The following NAPEPLD variants were observed in gnomAD, a reference collection of about 807,000 sequenced individuals.
NAPEPLD encodes the protein N-acyl phosphatidylethanolamine phospholipase D, also known as N-acyl-phosphatidylethanolamine-hydrolyzing phospholipase D.
Under a neutral mutation model 38.1 loss-of-function variants are expected in NAPEPLD, and 23 were observed. That is an observed-to-expected ratio of 0.60 (90% confidence interval 0.43 to 0.86). The LOEUF is 0.86. NAPEPLD is among the 40% of genes least tolerant of loss of function. NAPEPLD has a pLI of 0.00. For missense variants in NAPEPLD, 411 were observed against 476.8 expected, an observed-to-expected ratio of 0.86 and a Z score of 1.28; for synonymous variants, 147 against 162.0, an observed-to-expected ratio of 0.91 and a Z score of 0.71.
chr7:103,143,635 T>G (rs1447289522), intron 1 of NAPEPLD, among the ~76,000 whole-genome samples: 1 of 152,102 alleles, frequency 6.6e-6, no homozygotes, highest in East Asian at 1.9e-4. Context: ...GGGTGCCACA[T>G]CCAAGGAATG....
At position 103,128,513 on chromosome 7, in the gene NAPEPLD, T is replaced by C. The variant is rs777699917; in HGVS notation, c.264A>G (p.Lys88=). The C allele has an allele frequency of 2.5e-6, 4 of 1,614,230 alleles. No individual in the cohort carries two copies. Among genetic ancestry groups the C allele is most frequent in the Non-Finnish European group, 3.4e-6 (4 of 1,180,034 alleles). ...TAGAACTTGGAACACTGCTGTGATCTTTCTCCATTATCAGCCATCTGAGAA... is the reference window on the plus strand; with the variant it reads ...TAGAACTTGGAACACTGCTGTGATCCTTCTCCATTATCAGCCATCTGAGAA... ...PNVLRWLIME[K]DHSSVPSSKE... is the part of the protein sequence containing the mutation. The change falls in exon 2 of 5, where the codon AAA becomes AAG. Residue 88 remains lysine, a synonymous_variant. Transcript: ENST00000465647.
At chr7:103,108,770 G>C (rs915504025) in intron 4 of NAPEPLD, among the ~76,000 whole-genome samples, 2 of 152,156 alleles carry the variant, frequency 1.3e-5, no homozygotes, top group African/African-American at 2.4e-5. Flanking sequence ...ATGGGTTAAT[G>C]CCCCAATTAA....
At chr7:103,132,602 A>T (rs1033401712) in intron 1 of NAPEPLD, among the ~76,000 whole-genome samples, 1 of 151,846 alleles carries the variant, frequency 6.6e-6, no homozygotes, top group African/African-American at 2.4e-5. Context: ...TTTAGGGGTA[A>T]AAATAAATAA....
chr7:103,112,151 G>T (rs1429997970), intron 4 of NAPEPLD, among the ~76,000 whole-genome samples: 1 of 152,140 alleles, frequency 6.6e-6, no homozygotes, highest in Non-Finnish European at 1.5e-5. Flanking sequence ...TTACACTGTT[G>T]GTGGGAGTGT....
intron 2 of NAPEPLD, chr7:103,127,953 C>T (rs1176224406): frequency 6.5e-6 from 1 of 153,032 alleles, no homozygotes; most frequent in Non-Finnish European, 1.5e-5. Context: ...CTAAAGTCAA[C>T]TTTTCAAGGT....
Position 103,103,388 on chromosome 7 carries a change from G to C in NAPEPLD, c.*41C>G. 1 of 1,520,878 alleles carries C rather than the reference G, an allele frequency of 6.6e-7. No individual in the cohort carries two copies. Among genetic ancestry groups the C allele is most frequent in the Non-Finnish European group, 8.8e-7 (1 of 1,136,368 alleles). The allele number at this position is 1,520,878 out of a possible 1,614,324, so 94.2% of individuals were successfully genotyped here. On this transcript the variant is annotated 3_prime_UTR_variant, in exon 5 of 5. Coordinates refer to ENST00000465647, the MANE Select transcript of NAPEPLD (RefSeq NM_001122838.3). ...GTCTTTTCATTTGTTTTTAAACTTA[G>C]ATGATGCCTTTTTCATTAAAAGTGC...
intron 2 of NAPEPLD, among the ~76,000 whole-genome samples, chr7:103,122,708 T>A (rs566445317): frequency 6.6e-6 from 1 of 152,196 alleles, no homozygotes; most frequent in South Asian, 2.1e-4. Flanking sequence ...AGCAAGAAAG[T>A]TCCAACCCTG....
intron 2 of NAPEPLD, among the ~76,000 whole-genome samples, chr7:103,121,649 C>T (rs1005719613): frequency 3.2e-4 from 49 of 152,314 alleles, no homozygotes; most frequent in African/African-American, 1.2e-3. Context: ...TCTATATTAA[C>T]TTTATTCTTG....
chr7:103,116,798 C>T (rs1443268297), intron 3 of NAPEPLD, among the ~76,000 whole-genome samples: 1 of 152,090 alleles, frequency 6.6e-6, no homozygotes, highest in Non-Finnish European at 1.5e-5. Flanking sequence ...TCTTAGAATG[C>T]CTTTGGAAAG....
intron 1 of NAPEPLD, among the ~76,000 whole-genome samples, chr7:103,129,982 A>G (rs1189021160): frequency 6.6e-6 from 1 of 152,232 alleles, no homozygotes; most frequent in African/African-American, 2.4e-5. Flanking sequence ...ATTTTGACCT[A>G]TATAGGACTC....
At chr7:103,114,706 T>C (rs1805227533) in intron 4 of NAPEPLD, among the ~76,000 whole-genome samples, 1 of 152,234 alleles carries the variant, frequency 6.6e-6, no homozygotes. Context: ...ATCACATACA[T>C]GACTTCTGTC....
chr7:103,145,228 T>C lies in NAPEPLD; in HGVS notation c.-17+3583A>G, dbSNP rs1049228605. ...AAGCAAAAGAAAAAAATTATAATGC[T>C]ATACGTAATCAGGCTTAACTAAGAC... On this transcript the variant is annotated intron_variant, in intron 1 of 4. Coordinates refer to ENST00000465647, the MANE Select transcript of NAPEPLD (RefSeq NM_001122838.3). 9.9e-5 allele frequency among the ~76,000 whole-genome samples: 15 copies of C among 152,216 alleles called. 1 individual carries two copies. Among genetic ancestry groups the C allele is most frequent in the African/African-American group, 2.9e-4 (12 of 41,460 alleles).
At chr7:103,103,821 A>G (rs1802760004) in intron 4 of NAPEPLD, among the ~76,000 whole-genome samples, 1 of 152,048 alleles carries the variant, frequency 6.6e-6, no homozygotes, top group African/African-American at 2.4e-5. Flanking sequence ...ACATCACTGG[A>G]TTGCATGAAA....
intron 4 of NAPEPLD, among the ~76,000 whole-genome samples, chr7:103,110,699 A>G (rs1408240142): frequency 6.6e-6 from 1 of 152,216 alleles, no homozygotes; most frequent in Non-Finnish European, 1.5e-5. Context: ...CACCACTCCT[A>G]TTCAACATAG....
chr7:103,135,328 T>C (rs1239687076), intron 1 of NAPEPLD, among the ~76,000 whole-genome samples: 1 of 152,200 alleles, frequency 6.6e-6, no homozygotes, highest in East Asian at 1.9e-4. Context: ...TTCACTGAAA[T>C]GTCTGCAAAG....
Position 103,119,757 on chromosome 7 carries a change from C to CGT in NAPEPLD, c.760_761insAC (p.Trp254TyrfsTer7). 1 of 1,614,136 alleles carries CGT rather than the reference C, an allele frequency of 6.2e-7. No homozygotes were observed. Among genetic ancestry groups the CGT allele is most frequent in the Non-Finnish European group, 8.5e-7 (1 of 1,180,038 alleles). On this transcript the variant is annotated frameshift_variant, in exon 3 of 5. Coordinates refer to ENST00000465647, the MANE Select transcript of NAPEPLD (RefSeq NM_001122838.3). LOFTEE classifies it high-confidence loss of function. Reference sequence around the variant, plus strand: ...GTCATCCATTAGAGTCCTTTTACACCAGTGCTGGGAAGGTGTAAAGACAAA... The same window carrying CGT: ...GTCATCCATTAGAGTCCTTTTACACCGTAGTGCTGGGAAGGTGTAAAGACAAA...
chr7:103,123,475 T>A (rs780078377), intron 2 of NAPEPLD, among the ~76,000 whole-genome samples: 1 of 152,208 alleles, frequency 6.6e-6, no homozygotes, highest in Non-Finnish European at 1.5e-5. Flanking sequence ...GAATATAAAC[T>A]GAGTACCTAC....
intron 4 of NAPEPLD, among the ~76,000 whole-genome samples, chr7:103,114,016 A>G (rs994281090): frequency 6.6e-6 from 1 of 151,952 alleles, no homozygotes; most frequent in African/African-American, 2.4e-5. Context: ...CTCCTGCCTC[A>G]GCCTCCCGAG....
In NAPEPLD at chr7:103,103,234, C is replaced by A; in HGVS notation, c.*195G>T. The A allele has an allele frequency of 4.2e-6, 2 of 477,298 alleles. No individual in the cohort carries two copies. Among genetic ancestry groups the A allele is most frequent in the Non-Finnish European group, 3.5e-6 (1 of 283,718 alleles). The allele number at this position is 477,298 out of a possible 1,614,324, so 29.6% of individuals were successfully genotyped here. A position where few individuals can be genotyped will look rare whatever the true frequency, so the allele number is the denominator to read the frequency against. On this transcript the variant is annotated 3_prime_UTR_variant, in exon 5 of 5. Coordinates refer to ENST00000465647, the MANE Select transcript of NAPEPLD (RefSeq NM_001122838.3). Reference sequence around the variant, plus strand: ...CCAATTCATTATTTAAATGACCCACCCCTGAACCCTCTCATAGTGTACATG... The same window carrying A: ...CCAATTCATTATTTAAATGACCCACACCTGAACCCTCTCATAGTGTACATG...
Sources: gnomAD v4.1 joint callset for allele counts (sites outside exome capture counted in the v4.1 genomes callset) on GRCh38, gnomAD v4.1.1 for gene constraint, MANE v1.5 for transcripts, NCBI Gene and HGNC (gene_info 2026-07-23, HGNC 2026-07-21) for gene names.